Variants in FAT3 observed in about 807,000 individuals in gnomAD.
The protein encoded by FAT3 is FAT atypical cadherin 3.
In FAT3, 95 loss-of-function variants were observed where a neutral mutation model predicts 310.2. The observed-to-expected ratio is 0.31, with a 90% CI of 0.26 to 0.36. FAT3 has a LOEUF of 0.36. Among genes scored for constraint, FAT3 ranks in the 10% least tolerant of loss-of-function variants. FAT3 has a pLI of 1.00. For synonymous variants in FAT3, 2,314 were observed against 2,192.9 expected (o/e 1.06, Z -1.54); for missense variants, 5,408 against 5,715.6 (o/e 0.95, Z 1.74).
intron 4 of FAT3, among the ~76,000 whole-genome samples, chr11:92,714,812 A>T (rs1591640053): frequency 6.6e-6 from 1 of 152,324 alleles, no homozygotes; most frequent in East Asian, 1.9e-4. Context: ...TCTAGCATCT[A>T]ATAAGCACCC....
In FAT3 at chr11:92,728,008, GC is replaced by G. The variant is rs1415184400; in HGVS notation, c.3669+30565del. Among the ~76,000 whole-genome samples the G allele has an allele frequency of 2.6e-5, 4 of 152,262 alleles. 1 individual carries two copies. The highest frequency in any genetic ancestry group is 5.9e-5 in the Non-Finnish European group (4 of 68,026). On this transcript the variant is annotated intron_variant, in intron 4 of 27. Transcript: ENST00000525166. ...TGCTGGCCAGTGGTGGCACTCCTGTGCCTCTGCACAAGTGTACTGAACAACT... is the reference window on the plus strand; with the variant it reads ...TGCTGGCCAGTGGTGGCACTCCTGTGCTCTGCACAAGTGTACTGAACAACT...
chr11:92,675,685 C>T (rs1943265238), intron 3 of FAT3, among the ~76,000 whole-genome samples: 1 of 152,156 alleles, frequency 6.6e-6, no homozygotes, highest in African/African-American at 2.4e-5. Context: ...ATGAGGTTCC[C>T]ATCACCCTCC....
intron 2 of FAT3, among the ~76,000 whole-genome samples, chr11:92,381,049 A>T (rs11019942): frequency 0.037 from 5,672 of 152,290 alleles, 152 homozygotes; most frequent in Non-Finnish European, 0.058. Context: ...ATTCCCTGGC[A>T]ATGACCAGTC....
At position 92,368,093 on chromosome 11, in the gene FAT3, T is replaced by A. The variant is rs573182047; in HGVS notation, c.3292+12689T>A. Among the ~76,000 whole-genome samples the A allele has an allele frequency of 2.9e-4, 44 of 152,350 alleles. No individual in the cohort carries two copies. The South Asian group carries it at 8.5e-3, about 29-fold the overall frequency. On this transcript the variant is annotated intron_variant, in intron 2 of 27. Coordinates refer to ENST00000525166, the MANE Select transcript of FAT3 (RefSeq NM_001367949.2). ...AAGAATAACATAGTATTTTTTTAAA[T>A]GTCTGACACACCTCTCTAATGTTTT... is the stretch of plus-strand genomic sequence containing the variant.
chr11:92,596,617 A>C (rs1398637314), intron 3 of FAT3, among the ~76,000 whole-genome samples: 1 of 152,214 alleles, frequency 6.6e-6, no homozygotes, highest in Non-Finnish European at 1.5e-5. Flanking sequence ...CTGTTGAAGC[A>C]GATAGCAGGC....
At chr11:92,593,057 G>A (rs536678579) in intron 3 of FAT3, among the ~76,000 whole-genome samples, 17 of 152,068 alleles carry the variant, frequency 1.1e-4, no homozygotes, top group Admixed American at 3.9e-4. Context: ...GACTCATACA[G>A]CATTTGTCTT....
At chr11:92,713,493 T>G (rs1339707674) in intron 4 of FAT3, among the ~76,000 whole-genome samples, 2 of 152,228 alleles carry the variant, frequency 1.3e-5, no homozygotes, top group Non-Finnish European at 2.9e-5. Flanking sequence ...ATTCTGAAAC[T>G]CAATTAGTTT....
intron 3 of FAT3, among the ~76,000 whole-genome samples, chr11:92,682,415 G>A (rs1030614625): frequency 6.6e-6 from 1 of 152,170 alleles, no homozygotes; most frequent in African/African-American, 2.4e-5. Context: ...TTTTTGAGCA[G>A]GCGCATTACC....
chr11:92,733,429 G>C (rs1210689402), intron 4 of FAT3, among the ~76,000 whole-genome samples: 2 of 152,088 alleles, frequency 1.3e-5, no homozygotes, highest in Non-Finnish European at 2.9e-5. Context: ...GATTGTTTTA[G>C]CACCATGTGT....
At chr11:92,557,558 C>A (rs1955066619) in intron 3 of FAT3, among the ~76,000 whole-genome samples, 1 of 152,196 alleles carries the variant, frequency 6.6e-6, no homozygotes, top group South Asian at 2.1e-4. Context: ...GGCCACTGAT[C>A]TCCTTAGCTC....
At chr11:92,834,771 C>A (rs1195524694) in intron 14 of FAT3, 99 bp from the exon 15 acceptor site, 19 of 1,078,732 alleles carry the variant, frequency 1.8e-5, no homozygotes, top group Non-Finnish European at 7.8e-6. Flanking sequence ...TGTTTAAATT[C>A]TTGGCTGGAG....
At chr11:92,707,236 A>C (rs993591976) in intron 4 of FAT3, among the ~76,000 whole-genome samples, 1 of 152,216 alleles carries the variant, frequency 6.6e-6, no homozygotes, top group Non-Finnish European at 1.5e-5. Context: ...AGGTCCTTCC[A>C]CCCAGTGGCT....
chr11:92,368,693 G>A (rs1242528633), intron 2 of FAT3, among the ~76,000 whole-genome samples: 2 of 151,930 alleles, frequency 1.3e-5, no homozygotes, highest in Non-Finnish European at 2.9e-5. Flanking sequence ...CCCACCTCAG[G>A]TTATATTCAT....
At chr11:92,824,843 C>A (rs571915621) in intron 13 of FAT3, among the ~76,000 whole-genome samples, 11 of 151,798 alleles carry the variant, frequency 7.2e-5, no homozygotes, top group Non-Finnish European at 1.6e-4. Context: ...TTTTTGATGA[C>A]CTGCAACTAT....
chr11:92,240,947 T>C (rs896594599), intron 1 of FAT3, among the ~76,000 whole-genome samples: 2 of 151,448 alleles, frequency 1.3e-5, no homozygotes, highest in Non-Finnish European at 2.9e-5. Context: ...CCCCCCTTCC[T>C]GCCACATTGC....
In FAT3 at chr11:92,682,606, G is replaced by A. The variant is rs543816661; in HGVS notation, c.3608-14778G>A. On this transcript the variant is annotated intron_variant, in intron 3 of 27. Transcript: ENST00000525166. ...TCACAAATACTTGGCATTCAGTTGC[G>A]AACTGAAACTAGGGTGATCAACCAT... 4.8e-4 allele frequency among the ~76,000 whole-genome samples: 73 copies of A among 152,258 alleles called. 1 individual carries two copies. The highest frequency in any genetic ancestry group is 4.1e-3 in the Admixed American group (63 of 15,294).
chr11:92,796,328 G>T (rs1231428458), intron 9 of FAT3, among the ~76,000 whole-genome samples: 2 of 152,088 alleles, frequency 1.3e-5, no homozygotes, highest in Non-Finnish European at 2.9e-5. Flanking sequence ...AGACAACATT[G>T]TTTAATATTC....
rs138694225 is a variant in FAT3, at chr11:92,449,844, G to A, written c.3293-74790G>A. Among the ~76,000 whole-genome samples, 1,087 of 152,266 alleles carry A rather than the reference G, an allele frequency of 7.1e-3. 20 individuals carry two copies. Among genetic ancestry groups the A allele is most frequent in the African/African-American group, 0.025 (1,043 of 41,558 alleles). ...TTATATAAATTATCCAAGAACAATAGGTGGGTATTTTCTCCCTTAGATTGG... is the reference window on the plus strand; with the variant it reads ...TTATATAAATTATCCAAGAACAATAAGTGGGTATTTTCTCCCTTAGATTGG... On this transcript the variant is annotated intron_variant, in intron 2 of 27. Coordinates refer to ENST00000525166, the MANE Select transcript of FAT3 (RefSeq NM_001367949.2).
At chr11:92,646,839 G>C (rs775733782) in intron 3 of FAT3, among the ~76,000 whole-genome samples, 8 of 152,198 alleles carry the variant, frequency 5.3e-5, no homozygotes, top group Non-Finnish European at 1.2e-4. Flanking sequence ...CAGTACATTA[G>C]TGATAAAAGG....
Sources: allele counts gnomAD v4.1 joint callset (sites outside exome capture counted in the v4.1 genomes callset), GRCh38; gene constraint gnomAD v4.1.1; transcripts MANE v1.5; gene names NCBI Gene and HGNC (gene_info 2026-07-23, HGNC 2026-07-21).